PRR5: variants seen among roughly 807,000 people sequenced by gnomAD.
The protein encoded by PRR5 is proline rich 5.
Under a neutral mutation model 30.6 loss-of-function variants are expected in PRR5, and 25 were observed. That is an observed-to-expected ratio of 0.82 (90% CI 0.60 to 1.14). PRR5 has a LOEUF of 1.14. Among genes scored for constraint, PRR5 ranks in the 50% most tolerant of loss-of-function variants. The pLI, the probability that PRR5 is intolerant of heterozygous loss-of-function variation, is 0.00. For synonymous variants in PRR5, 286 were observed against 247.1 expected (o/e 1.16, Z -1.48); for missense variants, 600 against 547.1 (o/e 1.10, Z -0.96).
chr22:44,727,194 T>A (rs1018952007), intron 4 of PRR5, among the ~76,000 whole-genome samples: 10 of 152,106 alleles, frequency 6.6e-5, no homozygotes, highest in African/African-American at 2.4e-4. Context: ...TCTGCCTGAC[T>A]TTAGGGCACA....
At chr22:44,728,807 G>C (rs1240903605) in intron 4 of PRR5, among the ~76,000 whole-genome samples, 1 of 152,232 alleles carries the variant, frequency 6.6e-6, no homozygotes, top group African/African-American at 2.4e-5. Flanking sequence ...CCCCCTGTGG[G>C]GAAGCCCCAG....
At position 44,731,781 on chromosome 22, in the gene PRR5, A is replaced by T. The variant is rs1222068668; in HGVS notation, c.374A>T (p.Asp125Val). 9 of 1,613,706 alleles carry T rather than the reference A, an allele frequency of 5.6e-6. No individual in the cohort carries two copies. In the South Asian group the frequency reaches 9.9e-5, roughly 18 times the overall value. The change falls in exon 5 of 8, where the codon GAC becomes GTC. Residue 125 changes from aspartate (D) to valine (V), a missense_variant. Transcript: ENST00000336985. ...GAGACCTGGGACTTCTTCTTCAGTG[A>T]CGTGCTGCCCATGCTGCAGGCCATC... Reference protein sequence around the residue: ...LAETWDFFFSDVLPMLQAIFY... With the variant: ...LAETWDFFFSVVLPMLQAIFY...
intron 6 of PRR5, among the ~76,000 whole-genome samples, chr22:44,733,894 T>C (rs1387123685): frequency 6.6e-6 from 1 of 152,116 alleles, no homozygotes; most frequent in East Asian, 1.9e-4. Context: ...CGTGCCTCAC[T>C]CCCTGCCTGG....
intron 1 of PRR5, among the ~76,000 whole-genome samples, chr22:44,713,339 C>T (rs1267852900): frequency 6.6e-6 from 1 of 152,250 alleles, no homozygotes; most frequent in Admixed American, 6.5e-5. Flanking sequence ...TCAGGTGATT[C>T]GCCCACCTCA....
chr22:44,698,834 G>C (rs1926000339), upstream of PRR5, among the ~76,000 whole-genome samples: 1 of 152,238 alleles, frequency 6.6e-6, no homozygotes, highest in South Asian at 2.1e-4. Context: ...TTAGGGGCTA[G>C]ACTCCGCCCT....
chr22:44,722,331 G>C (rs1930065541), intron 2 of PRR5, among the ~76,000 whole-genome samples: 1 of 152,216 alleles, frequency 6.6e-6, no homozygotes, highest in Non-Finnish European at 1.5e-5. Flanking sequence ...GCTGTGAACG[G>C]AGGCCTGTGA....
intron 2 of PRR5, among the ~76,000 whole-genome samples, chr22:44,718,712 G>A (rs1425360650): frequency 4.6e-5 from 7 of 152,156 alleles, no homozygotes; most frequent in Admixed American, 3.3e-4. Context: ...AGTGGCATCT[G>A]TTTGTGGTTT....
chr22:44,702,513 C>A lies in PRR5; in HGVS notation c.39C>A (p.Pro13=). 1 of 1,471,208 alleles carries A rather than the reference C, an allele frequency of 6.8e-7. No homozygotes were observed. Among genetic ancestry groups the A allele is most frequent in the Non-Finnish European group, 9.0e-7 (1 of 1,109,514 alleles). The allele number at this position is 1,471,208 out of a possible 1,614,324, so 91.1% of individuals were successfully genotyped here. The change falls in exon 1 of 8, where the codon CCC becomes CCA. Residue 13 remains proline, a synonymous_variant. Coordinates refer to ENST00000336985, the MANE Select transcript of PRR5 (RefSeq NM_181333.4). ...TLRRLKFMSS[P]SLSDLGKREP... ...GCAGGTTGAAGTTCATGAGTTCGCCCAGCCTCAGTGACCTGGGCAAGAGAG... is the reference window on the plus strand; with the variant it reads ...GCAGGTTGAAGTTCATGAGTTCGCCAAGCCTCAGTGACCTGGGCAAGAGAG...
At chr22:44,688,175 G>A (rs2146961518) in intron 1 of PRR5, among the ~76,000 whole-genome samples, 1 of 151,266 alleles carries the variant, frequency 6.6e-6, no homozygotes, top group Non-Finnish European at 1.5e-5. Flanking sequence ...CTTGAAGTCA[G>A]GAGTTTGAGA....
intron 1 of PRR5, among the ~76,000 whole-genome samples, chr22:44,694,496 G>A (rs1317680732): frequency 2.0e-5 from 3 of 152,218 alleles, no homozygotes; most frequent in African/African-American, 7.2e-5. Context: ...TCGTGCCACT[G>A]CACTCCAGCC....
chr22:44,728,933 C>A (rs1234614393), intron 4 of PRR5, among the ~76,000 whole-genome samples: 4 of 152,164 alleles, frequency 2.6e-5, no homozygotes, highest in African/African-American at 9.7e-5. Flanking sequence ...GGAGGGCTGC[C>A]TCCCTAGGAA....
chr22:44,721,069 T>C (rs1929860737), intron 2 of PRR5, among the ~76,000 whole-genome samples: 1 of 152,214 alleles, frequency 6.6e-6, no homozygotes, highest in Non-Finnish European at 1.5e-5. Flanking sequence ...TTTTCTGAGC[T>C]ACAGCTGCTC....
intron 7 of PRR5, among the ~76,000 whole-genome samples, chr22:44,736,144 C>T (rs997765616): frequency 6.6e-6 from 1 of 152,230 alleles, no homozygotes; most frequent in African/African-American, 2.4e-5. Flanking sequence ...GGCCTCCTCC[C>T]TGGGTCCCCA....
In PRR5 at chr22:44,702,732, A is replaced by C. The variant is rs865934847; in HGVS notation, c.134+124A>C. The C allele has an allele frequency of 3.3e-6, 4 of 1,208,476 alleles. No individual in the cohort carries two copies. The African/African-American group carries it at 6.3e-5, about 19-fold the overall frequency. 74.9% of individuals were successfully genotyped at this position (1,208,476 alleles called of 1,614,324 possible). A position where few individuals can be genotyped will look rare whatever the true frequency, so the allele number is the denominator to read the frequency against. On this transcript the variant is annotated intron_variant, in intron 1 of 7. Coordinates refer to ENST00000336985, the MANE Select transcript of PRR5 (RefSeq NM_181333.4). ...TGCCGAAGGCGGCGCGGCGCTTCACAGTTTGCAAAGAACTTGCCCCGCCGG... is the reference window on the plus strand; with the variant it reads ...TGCCGAAGGCGGCGCGGCGCTTCACCGTTTGCAAAGAACTTGCCCCGCCGG...
intron 1 of PRR5, among the ~76,000 whole-genome samples, chr22:44,694,481 C>T (rs1014919423): frequency 2.6e-5 from 4 of 152,142 alleles, no homozygotes; most frequent in Non-Finnish European, 4.4e-5. Context: ...TGTAGTTAGC[C>T]GAGATCGTGC....
In PRR5 at chr22:44,735,211, C is replaced by G. The variant is rs752741334; in HGVS notation, c.691+49C>G. ...GCTGGGGCAGGGGTGACCACGGGCC[C>G]CATCCATTGTGAACAAATGGGCAAG... On this transcript the variant is annotated intron_variant, in intron 7 of 7. Transcript: ENST00000336985. 14 of 1,567,980 alleles carry G rather than the reference C, an allele frequency of 8.9e-6. No individual in the cohort carries two copies. The African/African-American group carries it at 1.5e-4, about 17-fold the overall frequency.
At position 44,723,581 on chromosome 22, in the gene PRR5, G is replaced by A. The variant is rs537060990; in HGVS notation, c.216-1663G>A. 5.3e-5 allele frequency among the ~76,000 whole-genome samples: 8 copies of A among 152,056 alleles called. No individual in the cohort carries two copies. The East Asian group carries it at 5.8e-4, about 11-fold the overall frequency. Reference sequence around the variant, plus strand: ...CTAAAAATACAAAAATTAGCTGGGCGTGATGGTATGCGCCTGTAATCCCAG... The same window carrying A: ...CTAAAAATACAAAAATTAGCTGGGCATGATGGTATGCGCCTGTAATCCCAG... On this transcript the variant is annotated intron_variant, in intron 2 of 7. Transcript: ENST00000336985.
intron 7 of PRR5, among the ~76,000 whole-genome samples, chr22:44,736,448 C>T (rs1288701871): frequency 6.6e-6 from 1 of 152,146 alleles, no homozygotes; most frequent in Non-Finnish European, 1.5e-5. Context: ...AGTCCATACA[C>T]TTCCACAAGT....
chr22:44,714,481 G>A, intron 1 of PRR5, 110 bp from the exon 2 acceptor site: 1 of 1,459,916 alleles, frequency 6.8e-7, no homozygotes, highest in East Asian at 2.3e-5. Context: ...GTCCTGCAGG[G>A]ATGGCTATCC....
Sources: gnomAD v4.1 joint callset for allele counts (sites outside exome capture counted in the v4.1 genomes callset) on GRCh38, gnomAD v4.1.1 for gene constraint, MANE v1.5 for transcripts, NCBI Gene and HGNC (gene_info 2026-07-23, HGNC 2026-07-21) for gene names.